The following SUPT3H variants were observed in gnomAD, a reference collection of about 807,000 sequenced individuals.
SUPT3H encodes SPT3 homolog, SAGA and STAGA complex component, also known as transcription initiation protein SPT3 homolog.
In SUPT3H, 44 loss-of-function variants were observed where a neutral mutation model predicts 44.3. The ratio of observed to expected loss-of-function variants is 0.99; its 90% CI spans 0.78 to 1.28. The LOEUF is 1.28. Ranked by LOEUF, SUPT3H falls within the 50% of genes most tolerant of loss-of-function variation. The pLI, the probability that SUPT3H is intolerant of heterozygous loss-of-function variation, is 0.00. For synonymous variants in SUPT3H, 124 were observed against 125.6 expected, an observed-to-expected ratio of 0.99 and a Z score of 0.09; for missense variants, 380 against 387.1, an observed-to-expected ratio of 0.98 and a Z score of 0.15.
intron 2 of SUPT3H, among the ~76,000 whole-genome samples, chr6:45,337,692 TATAATATG>T (rs942229853): frequency 1.3e-5 from 2 of 151,830 alleles, no homozygotes; most frequent in African/African-American, 4.8e-5. Flanking sequence ...TGAATGTATT[TATAATATG>T]ATACACTTCT....
At chr6:45,206,399 T>C (rs1198596989) in intron 2 of SUPT3H, among the ~76,000 whole-genome samples, 2 of 151,982 alleles carry the variant, frequency 1.3e-5, no homozygotes, top group East Asian at 3.9e-4. Context: ...GAGGAAAGAA[T>C]ATTCTAGCAG....
intron 2 of SUPT3H, among the ~76,000 whole-genome samples, chr6:45,340,292 A>G (rs573123615): frequency 6.6e-6 from 1 of 152,268 alleles, no homozygotes; most frequent in Admixed American, 6.5e-5. Context: ...AAATAAAAGT[A>G]TATCAAGGAA....
At chr6:44,943,449 GAAAAA>G (rs1772790469) in intron 9 of SUPT3H, among the ~76,000 whole-genome samples, 2 of 152,006 alleles carry the variant, frequency 1.3e-5, no homozygotes, top group African/African-American at 4.8e-5. Context: ...GAATAAGGCA[GAAAAA>G]AATCTGAAGA....
chr6:45,330,190 C>T (rs1787174285), intron 2 of SUPT3H, among the ~76,000 whole-genome samples: 2 of 151,746 alleles, frequency 1.3e-5, no homozygotes, highest in African/African-American at 2.4e-5. Context: ...ATAATATATA[C>T]AATATAATAA....
chr6:45,324,234 C>G (rs565179974), intron 2 of SUPT3H, among the ~76,000 whole-genome samples: 43 of 50,628 alleles, frequency 8.5e-4, no homozygotes, highest in African/African-American at 3.8e-3. Context: ...AAAGAATAAT[C>G]AAAGAAAAAA....
At chr6:45,009,028 AT>A (rs1457634358) in intron 5 of SUPT3H, among the ~76,000 whole-genome samples, 3 of 152,146 alleles carry the variant, frequency 2.0e-5, no homozygotes, top group Non-Finnish European at 4.4e-5. Flanking sequence ...TATAGGCATG[AT>A]TTTTAAGTAT....
At chr6:45,328,014 G>GCT (rs1452625678) in intron 2 of SUPT3H, 1 of 194,126 alleles carries the variant, frequency 5.2e-6, no homozygotes, top group Non-Finnish European at 1.1e-5. Flanking sequence ...TAACTGCAGA[G>GCT]CTCTGCTCTA....
At chr6:44,871,215 A>ACAG (rs1776405715) in intron 10 of SUPT3H, among the ~76,000 whole-genome samples, 1 of 140,066 alleles carries the variant, frequency 7.1e-6, no homozygotes, top group Non-Finnish European at 1.6e-5. Flanking sequence ...AAACAAAAAG[A>ACAG]CAGCAGTAAC....
At chr6:44,834,836 A>AACAAAAGTG (rs1475519524) in intron 10 of SUPT3H, among the ~76,000 whole-genome samples, 3 of 152,160 alleles carry the variant, frequency 2.0e-5, no homozygotes, top group Non-Finnish European at 4.4e-5. Context: ...TTGGGAGCAG[A>AACAAAAGTG]ACAAAAGTGA....
chr6:45,244,075 G>A (rs931051271), intron 2 of SUPT3H, among the ~76,000 whole-genome samples: 1 of 151,974 alleles, frequency 6.6e-6, no homozygotes, highest in African/African-American at 2.4e-5. Context: ...GTAGAGACAG[G>A]GTCTCACTAT....
At chr6:45,145,278 C>G (rs1583818609) in intron 2 of SUPT3H, among the ~76,000 whole-genome samples, 1 of 152,166 alleles carries the variant, frequency 6.6e-6, no homozygotes, top group Non-Finnish European at 1.5e-5. Context: ...TACTACAAAG[C>G]TATAGTTACC....
chr6:44,954,679 C>A, intron 7 of SUPT3H, 72 bp from the exon 8 acceptor site: 1 of 836,056 alleles, frequency 1.2e-6, no homozygotes, highest in Non-Finnish European at 2.0e-6. Flanking sequence ...ATTACTATCA[C>A]AAAATTAAAA....
At chr6:45,334,449 C>CAAAAAAAAAAAAAAAAAA (rs551014969) in intron 2 of SUPT3H, among the ~76,000 whole-genome samples, 1 of 91,758 alleles carries the variant, frequency 1.1e-5, no homozygotes, top group Non-Finnish European at 2.1e-5. Flanking sequence ...TCAGGAAAAG[C>CAAAAAAAAAAAAAAAAAA]AAAAAAAAAA....
chr6:45,365,269 A>C lies in SUPT3H; in HGVS notation c.33T>G (p.Thr11=). The C allele has an allele frequency of 1.2e-6, 2 of 1,612,512 alleles. No individual in the cohort carries two copies. The highest frequency in any genetic ancestry group is 1.7e-6 in the Non-Finnish European group (2 of 1,179,122). The part of the protein sequence containing the change: MNNTAASPMS[T]ATSSSGRSTG... ...TACTCCTTCCACTACTTGAAGTTGC[A>C]GTAGACATTGGACTAGCTGCCGTAT... Residue 11 remains threonine, a synonymous_variant, in exon 2 of 11, where the codon ACT becomes ACG. Coordinates refer to ENST00000371459, the MANE Select transcript of SUPT3H (RefSeq NM_003599.4).
chr6:45,156,964 A>T (rs72870912), intron 2 of SUPT3H, among the ~76,000 whole-genome samples: 3,989 of 152,196 alleles, frequency 0.026, 56 homozygotes, highest in Middle Eastern at 0.069. Flanking sequence ...AAAGAACTTA[A>T]CAGAAACTAC....
At chr6:45,183,619 C>T (rs1407067378) in intron 2 of SUPT3H, among the ~76,000 whole-genome samples, 1 of 152,152 alleles carries the variant, frequency 6.6e-6, no homozygotes, top group Admixed American at 6.5e-5. Flanking sequence ...AGGAGGGATC[C>T]CATCCCATGA....
chr6:45,208,591 G>C (rs539476040), intron 2 of SUPT3H, among the ~76,000 whole-genome samples: 7 of 152,198 alleles, frequency 4.6e-5, no homozygotes, highest in African/African-American at 1.4e-4. Flanking sequence ...AGGTATGGTG[G>C]TGTGCACCTG....
chr6:44,821,512 A>G (rs1767315482), intron 11 of SUPT3H, among the ~76,000 whole-genome samples: 1 of 152,158 alleles, frequency 6.6e-6, no homozygotes, highest in African/African-American at 2.4e-5. Flanking sequence ...TGACTTTGGG[A>G]ATGCTGAATT....
chr6:45,060,485 C>T (rs557149397), intron 3 of SUPT3H, among the ~76,000 whole-genome samples: 13 of 151,808 alleles, frequency 8.6e-5, no homozygotes, highest in African/African-American at 3.1e-4. Flanking sequence ...AAACCCAAAA[C>T]TATACTAGAT....
Sources: allele counts gnomAD v4.1 joint callset (sites outside exome capture counted in the v4.1 genomes callset), GRCh38; gene constraint gnomAD v4.1.1; transcripts MANE v1.5; gene names NCBI Gene and HGNC (gene_info 2026-07-23, HGNC 2026-07-21).